The following THADA variants were observed in gnomAD, a reference collection of about 807,000 sequenced individuals.
THADA encodes tRNA (32-2'-O)-methyltransferase regulator THADA.
A neutral mutation model predicts 219.8 loss-of-function variants in THADA; 213 were observed. The observed-to-expected ratio is 0.97, with a 90% CI of 0.87 to 1.09. The LOEUF (loss-of-function observed/expected upper bound fraction) is 1.09, where lower values mean the gene tolerates loss of function less well. THADA is among the 50% of genes least tolerant of loss of function. The pLI, the probability that THADA is intolerant of heterozygous loss-of-function variation, is 0.00. For synonymous variants in THADA, 1,018 were observed against 828.9 expected (o/e 1.23, Z -3.92); for missense variants, 2,956 against 2,311.3 (o/e 1.28, Z -5.72).
At chr2:43,401,401 C>T (rs1674817580) in intron 28 of THADA, among the ~76,000 whole-genome samples, 2 of 152,272 alleles carry the variant, frequency 1.3e-5, no homozygotes, top group Admixed American at 1.3e-4. Context: ...GCCTCAGCCT[C>T]CCGAGTAGCT....
intron 19 of THADA, among the ~76,000 whole-genome samples, chr2:43,549,865 T>C (rs1696545817): frequency 6.6e-6 from 1 of 151,868 alleles, no homozygotes; most frequent in Admixed American, 6.6e-5. Context: ...GGTATCAAAG[T>C]TTAAAGATAG....
chr2:43,547,975 T>C (rs1381829978), intron 20 of THADA, among the ~76,000 whole-genome samples: 1 of 152,160 alleles, frequency 6.6e-6, no homozygotes, highest in African/African-American at 2.4e-5. Flanking sequence ...TCTGCTCTGT[T>C]TTTTCCCCAT....
chr2:43,564,463 CTTTT>C lies in THADA; in HGVS notation c.2311+2231_2311+2234del, dbSNP rs1206349810. Reference sequence around the variant, plus strand: ...TACGCTGTCGCACTGCCTCCTCTTTCTTTTGTTTGTCAAATCTCTCTCTGCCTCT... The same window carrying C: ...TACGCTGTCGCACTGCCTCCTCTTTCGTTTGTCAAATCTCTCTCTGCCTCT... On this transcript the variant is annotated intron_variant, in intron 15 of 37. Coordinates refer to ENST00000405975, the MANE Select transcript of THADA (RefSeq NM_022065.5). 11 of 152,270 alleles carry C rather than the reference CTTTT, an allele frequency of 7.2e-5. 1 individual carries two copies. The highest frequency in any genetic ancestry group is 3.2e-3 in the Middle Eastern group (1 of 316). 9.4% of individuals were successfully genotyped at this position (152,270 alleles called of 1,614,324 possible).
intron 29 of THADA, among the ~76,000 whole-genome samples, chr2:43,365,233 G>T (rs1179959586): frequency 6.6e-6 from 1 of 152,016 alleles, no homozygotes; most frequent in African/African-American, 2.4e-5. Flanking sequence ...CCTCATCTGT[G>T]TTTTTAAAAG....
chr2:43,292,965 C>T lies in THADA; in HGVS notation c.4687G>A (p.Ala1563Thr). The change falls in exon 32 of 38, where the codon GCC (alanine) becomes ACC (threonine). Residue 1563 changes from alanine to threonine, a missense_variant. Transcript: ENST00000405975. The stretch of plus-strand genomic sequence containing the variant: ...GCTGCTAAGAACTTTTCCAAGAGGG[C>T]TTCCAGTGTTAGTGAGCGCACTTCA... ...FPEVRSLTLEALLEKFLAAAS... is the reference protein window; with the variant it reads ...FPEVRSLTLETLLEKFLAAAS... 1 of 1,614,028 alleles carries T rather than the reference C, an allele frequency of 6.2e-7. No homozygotes were observed. The highest frequency in any genetic ancestry group is 2.2e-5 in the East Asian group (1 of 44,876).
intron 21 of THADA, among the ~76,000 whole-genome samples, chr2:43,540,122 T>A (rs536736294): frequency 6.6e-6 from 1 of 152,248 alleles, no homozygotes; most frequent in Non-Finnish European, 1.5e-5. Flanking sequence ...TAATCATTAA[T>A]CATAGCTGGA....
chr2:43,288,655 C>T (rs752003808), intron 34 of THADA, among the ~76,000 whole-genome samples: 1 of 152,180 alleles, frequency 6.6e-6, no homozygotes, highest in Non-Finnish European at 1.5e-5. Flanking sequence ...TTGTTCACCA[C>T]CCAGAAGCTC....
chr2:43,253,663 G>A (rs988557367), intron 36 of THADA, among the ~76,000 whole-genome samples: 3 of 151,996 alleles, frequency 2.0e-5, no homozygotes, highest in Admixed American at 1.3e-4. Flanking sequence ...TAAAAATGCT[G>A]CCCACCTTTA....
Position 43,574,475 on chromosome 2 carries a change from G to T in THADA, c.1590C>A (p.Leu530=), listed in dbSNP as rs535885556. 9 of 1,613,774 alleles carry T rather than the reference G, an allele frequency of 5.6e-6. No individual in the cohort carries two copies. Among genetic ancestry groups the T allele is most frequent in the South Asian group, 5.5e-5 (5 of 91,068 alleles). Residue 530 remains leucine (L), a synonymous_variant, in exon 11 of 38, where the codon CTC becomes CTA. Coordinates refer to ENST00000405975, the MANE Select transcript of THADA (RefSeq NM_022065.5). ...AGTTTCCTTCACACAATATAAAAAG[G>T]AGAGGAGAAACCCAAGTCTCATGCC... ...DQWHETWVSP[L]LFILCEGNLD...
intron 26 of THADA, among the ~76,000 whole-genome samples, chr2:43,461,600 G>C (rs1472046147): frequency 6.6e-6 from 1 of 152,140 alleles, no homozygotes; most frequent in African/African-American, 2.4e-5. Context: ...TTAATTATAG[G>C]TTTGAGCCCT....
At chr2:43,538,001 G>C (rs1694823593) in intron 21 of THADA, among the ~76,000 whole-genome samples, 1 of 151,702 alleles carries the variant, frequency 6.6e-6, no homozygotes, top group Non-Finnish European at 1.5e-5. Context: ...TCTAATAGTT[G>C]GCAATCTTAC....
intron 35 of THADA, among the ~76,000 whole-genome samples, chr2:43,285,519 G>A (rs1343197830): frequency 2.0e-5 from 3 of 151,806 alleles, no homozygotes; most frequent in Non-Finnish European, 2.9e-5. Flanking sequence ...CTATGGAACT[G>A]TGAGTCAATT....
intron 25 of THADA, among the ~76,000 whole-genome samples, chr2:43,487,969 T>C (rs1462613491): frequency 2.6e-5 from 4 of 152,208 alleles, no homozygotes; most frequent in Non-Finnish European, 2.9e-5. Context: ...AAAATCACGA[T>C]ATTCTATAGG....
intron 21 of THADA, among the ~76,000 whole-genome samples, chr2:43,531,511 G>T (rs1033840675): frequency 1.3e-5 from 2 of 152,164 alleles, no homozygotes; most frequent in Non-Finnish European, 2.9e-5. Flanking sequence ...ATGACTAGTG[G>T]GCTTGGCAGT....
chr2:43,552,302 T>C lies in THADA; in HGVS notation c.2712A>G (p.Val904=). Residue 904 remains valine, a synonymous_variant, in exon 18 of 38, where the codon GTA becomes GTG. Coordinates refer to ENST00000405975, the MANE Select transcript of THADA (RefSeq NM_022065.5). ...GAAGCAGAGAATTTTCAGCCTGAGA[T>C]ACTTCTTCCTCAAGATTTTCCATCA... The part of the protein sequence containing the change: ...KCLMENLEEE[V]SQAENSLLQA... The C allele has an allele frequency of 6.2e-7, 1 of 1,604,720 alleles. No individual in the cohort carries two copies. The highest frequency in any genetic ancestry group is 8.5e-7 in the Non-Finnish European group (1 of 1,177,508).
chr2:43,501,228 C>G (rs1488014780), intron 24 of THADA, among the ~76,000 whole-genome samples: 1 of 142,456 alleles, frequency 7.0e-6, no homozygotes, highest in South Asian at 2.2e-4. Context: ...ATTGCTTGAA[C>G]CCAGGAGGCG....
At chr2:43,529,270 G>A (rs1475048735) in intron 21 of THADA, among the ~76,000 whole-genome samples, 1 of 152,146 alleles carries the variant, frequency 6.6e-6, no homozygotes, top group Non-Finnish European at 1.5e-5. Flanking sequence ...TGAGGTTACA[G>A]TAATACTCCC....
chr2:43,535,636 A>G (rs1271965911), intron 21 of THADA, among the ~76,000 whole-genome samples: 2 of 140,474 alleles, frequency 1.4e-5, no homozygotes, highest in African/African-American at 5.3e-5. Flanking sequence ...AACCCGAGAC[A>G]GCGCCACTGC....
In THADA at chr2:43,406,109, C is replaced by G. The variant is rs147319168; in HGVS notation, c.4059-7970G>C. 4.5e-3 allele frequency among the ~76,000 whole-genome samples: 680 copies of G among 152,320 alleles called. 2 individuals are homozygous for G. The highest frequency in any genetic ancestry group is 0.014 in the Middle Eastern group (4 of 294). ...CAGCCTCCATCATCTGGACATCCCT[C>G]CACTTGCCCCTGCAAGAAATAGGCA... On this transcript the variant is annotated intron_variant, in intron 28 of 37. Coordinates refer to ENST00000405975, the MANE Select transcript of THADA (RefSeq NM_022065.5).
Sources: gnomAD v4.1 joint callset for allele counts (sites outside exome capture counted in the v4.1 genomes callset) on GRCh38, gnomAD v4.1.1 for gene constraint, MANE v1.5 for transcripts, NCBI Gene and HGNC (gene_info 2026-07-23, HGNC 2026-07-21) for gene names.